Variants in CNIH3 observed in about 807,000 individuals in gnomAD.
CNIH3 encodes the protein protein cornichon homolog 3.
A neutral mutation model predicts 24.1 loss-of-function variants in CNIH3; 14 were observed. That is an observed-to-expected ratio of 0.58 (90% CI 0.38 to 0.91). CNIH3 has a LOEUF of 0.91. CNIH3 is among the 40% of genes least tolerant of loss of function. The pLI, the probability that CNIH3 is intolerant of heterozygous loss-of-function variation, is 0.00. For missense variants in CNIH3, 178 were observed against 196.8 expected (o/e 0.90, Z 0.57); for synonymous variants, 68 against 73.8 (o/e 0.92, Z 0.40).
At chr1:224,646,955 T>C (rs1684634561) in intron 1 of CNIH3, among the ~76,000 whole-genome samples, 5 of 152,174 alleles carry the variant, frequency 3.3e-5, no homozygotes, top group Admixed American at 3.3e-4. Flanking sequence ...GAATGAGACA[T>C]GACTGCTGTC....
intron 3 of CNIH3, among the ~76,000 whole-genome samples, chr1:224,693,730 T>C (rs1302199775): frequency 6.6e-6 from 1 of 152,240 alleles, no homozygotes; most frequent in Non-Finnish European, 1.5e-5. Flanking sequence ...CTTGCTGCCT[T>C]GATTGTGAAA....
intron 1 of CNIH3, among the ~76,000 whole-genome samples, chr1:224,625,022 C>T (rs1227607692): frequency 6.6e-6 from 1 of 152,162 alleles, no homozygotes; most frequent in Non-Finnish European, 1.5e-5. Flanking sequence ...GTCTGAGTCC[C>T]ACTGTTGTAT....
At chr1:224,481,285 G>T (rs1201814604) in intron 1 of CNIH3, among the ~76,000 whole-genome samples, 3 of 152,218 alleles carry the variant, frequency 2.0e-5, no homozygotes, top group Non-Finnish European at 4.4e-5. Context: ...ATGAGATTTA[G>T]GTGGGAACAC....
intron 1 of CNIH3, among the ~76,000 whole-genome samples, chr1:224,475,113 C>T (rs1378049090): frequency 1.3e-5 from 2 of 149,234 alleles, no homozygotes; most frequent in Non-Finnish European, 3.0e-5. Flanking sequence ...AATCCCAGCA[C>T]TTTGGAAGGT....
intron 3 of CNIH3, among the ~76,000 whole-genome samples, chr1:224,721,401 A>T (rs1343466315): frequency 6.6e-6 from 1 of 152,144 alleles, no homozygotes; most frequent in African/African-American, 2.4e-5. Context: ...TCTCTGGCTC[A>T]AAGTAAAGAA....
At position 224,698,008 on chromosome 1, in the gene CNIH3, G is replaced by A. The variant is rs531583747; in HGVS notation, c.198+13165G>A. ...CTCCCCACGGAAAAGCTGCATTGCC[G>A]AGTTATCATGCTGGCTCCATTTGTA... is the stretch of plus-strand genomic sequence containing the variant. On this transcript the variant is annotated intron_variant, in intron 3 of 5. Coordinates refer to ENST00000272133, the MANE Select transcript of CNIH3 (RefSeq NM_152495.2). Among the ~76,000 whole-genome samples the A allele has an allele frequency of 2.6e-5, 4 of 152,312 alleles. No homozygotes were observed. In the South Asian group the frequency reaches 8.3e-4, roughly 32 times the overall value.
At position 224,439,309 on chromosome 1, in the gene CNIH3, C is replaced by T. The variant is rs1003465757; in HGVS notation, n.203+4447C>T. On this transcript the variant is annotated intron_variant and non_coding_transcript_variant, in intron 1 of 5. Transcript: ENST00000471578. ...GACTGCTTTGCCACAGGCGCCTTTA[C>T]AGCCAGCAGTGAACAGTTAGACATA... Among the ~76,000 whole-genome samples, 4 of 152,206 alleles carry T rather than the reference C, an allele frequency of 2.6e-5. No individual in the cohort carries two copies. The East Asian group carries it at 5.8e-4, about 22-fold the overall frequency.
intron 1 of CNIH3, among the ~76,000 whole-genome samples, chr1:224,442,046 T>C (rs1218753271): frequency 7.7e-6 from 1 of 129,832 alleles, no homozygotes; most frequent in Non-Finnish European, 1.6e-5. Flanking sequence ...TGAGACAGGG[T>C]CTTCCTTCAT....
chr1:224,636,858 G>T (rs908831345), intron 1 of CNIH3, among the ~76,000 whole-genome samples: 26 of 151,976 alleles, frequency 1.7e-4, no homozygotes, highest in African/African-American at 6.3e-4. Context: ...GAATTAGAAG[G>T]TTGCTTTAAG....
At chr1:224,510,008 G>A (rs1009022535) in intron 1 of CNIH3, among the ~76,000 whole-genome samples, 4 of 152,202 alleles carry the variant, frequency 2.6e-5, no homozygotes, top group African/African-American at 9.7e-5. Context: ...TGGTTTCTGG[G>A]CTTCAGGCCT....
At chr1:224,587,666 T>G (rs1241550985) in intron 5 of CNIH3, among the ~76,000 whole-genome samples, 1 of 152,162 alleles carries the variant, frequency 6.6e-6, no homozygotes. Context: ...AGGCCGGGCA[T>G]AGTGGCTTAC....
At chr1:224,560,040 A>G (rs1680299743) in intron 3 of CNIH3, among the ~76,000 whole-genome samples, 1 of 152,134 alleles carries the variant, frequency 6.6e-6, no homozygotes, top group Non-Finnish European at 1.5e-5. Context: ...TGTATTTGTG[A>G]AATTTATCTA....
intron 1 of CNIH3, among the ~76,000 whole-genome samples, chr1:224,505,425 A>G (rs1449455709): frequency 6.6e-6 from 1 of 152,190 alleles, no homozygotes; most frequent in African/African-American, 2.4e-5. Context: ...GTAAATCTGC[A>G]GAGTGACGTT....
intron 2 of CNIH3, among the ~76,000 whole-genome samples, chr1:224,533,339 C>G (rs943256693): frequency 3.3e-5 from 5 of 150,186 alleles, no homozygotes; most frequent in African/African-American, 4.9e-5. Flanking sequence ...ATCACTTGAG[C>G]CTAGGAGTTC....
At chr1:224,462,358 C>T (rs1336631309) in intron 1 of CNIH3, among the ~76,000 whole-genome samples, 1 of 152,060 alleles carries the variant, frequency 6.6e-6, no homozygotes, top group African/African-American at 2.4e-5. Flanking sequence ...TTTTTTGAAA[C>T]AGTCTTGCCC....
chr1:224,621,902 G>A (rs1177820583), intron 1 of CNIH3, among the ~76,000 whole-genome samples: 5 of 152,190 alleles, frequency 3.3e-5, no homozygotes, highest in African/African-American at 1.2e-4. Flanking sequence ...TGAATCGTGG[G>A]GGATGGGGTT....
At chr1:224,709,136 T>G (rs2125194627) in intron 3 of CNIH3, among the ~76,000 whole-genome samples, 1 of 152,334 alleles carries the variant, frequency 6.6e-6, no homozygotes, top group South Asian at 2.1e-4. Context: ...TGTGAGCCAC[T>G]TGTGCTCCTG....
intron 4 of CNIH3, among the ~76,000 whole-genome samples, chr1:224,570,719 T>C (rs2124999564): frequency 6.6e-6 from 1 of 152,316 alleles, no homozygotes; most frequent in Admixed American, 6.5e-5. Flanking sequence ...CTTTATAGTT[T>C]ATATTTTTGT....
At chr1:224,516,146 CT>C (rs1678370778) in intron 1 of CNIH3, among the ~76,000 whole-genome samples, 1 of 151,656 alleles carries the variant, frequency 6.6e-6, no homozygotes. Flanking sequence ...GAAACCCTGT[CT>C]CTACTAAAAA....
Sources: gnomAD v4.1 joint callset for allele counts (sites outside exome capture counted in the v4.1 genomes callset) on GRCh38, gnomAD v4.1.1 for gene constraint, MANE v1.5 for transcripts, NCBI Gene and HGNC (gene_info 2026-07-23, HGNC 2026-07-21) for gene names.